IGSF3: variants seen among roughly 807,000 people sequenced by gnomAD.
IGSF3 encodes glu-Trp-Ile EWI motif-containing protein 3.
A neutral mutation model predicts 114.4 loss-of-function variants in IGSF3; 23 were observed. The ratio of observed to expected loss-of-function variants is 0.20; its 90% CI spans 0.14 to 0.28. The LOEUF is 0.28. IGSF3 is among the 10% of genes least tolerant of loss of function. IGSF3 has a pLI of 1.00. For missense variants in IGSF3, 1,172 were observed against 1,591.5 expected (o/e 0.74, Z 4.48); for synonymous variants, 571 against 645.2 (o/e 0.88, Z 1.74).
At chr1:116,623,051 C>T (rs1353633695) in intron 2 of IGSF3, among the ~76,000 whole-genome samples, 1 of 152,214 alleles carries the variant, frequency 6.6e-6, no homozygotes, top group Non-Finnish European at 1.5e-5. Flanking sequence ...AGAAAGCAAT[C>T]GGGAAGGCCA....
rs1659526135 is a variant in IGSF3, at chr1:116,579,848, G to A, written c.2878C>T (p.Pro960Ser). The A allele has an allele frequency of 6.2e-7, 1 of 1,610,410 alleles. No homozygotes were observed. Among genetic ancestry groups the A allele is most frequent in the Admixed American group, 1.7e-5 (1 of 60,006 alleles). Residue 960 changes from proline to serine, a missense_variant, in exon 10 of 11, where the codon CCC becomes TCC. Pro to Ser is a moderately conservative substitution (Grantham distance 74, BLOSUM62 -1). Transcript: ENST00000369486. This position sits in a 1 kb window ranked among gnomAD's most constrained non-coding sequence, Gnocchi z 6.4. ...DASLQVDTVV[P>S]NATVSEKAAF... ...GCCTTCTCAGAGACCGTGGCATTGG[G>A]GACCACTGTGTCCACCTGCAGGGAA...
At chr1:116,646,042 C>T (rs182274774) in intron 2 of IGSF3, among the ~76,000 whole-genome samples, 255 of 152,364 alleles carry the variant, frequency 1.7e-3, no homozygotes, top group African/African-American at 5.5e-3. Flanking sequence ...GCCAGCCTGG[C>T]TGTGGCCTCA....
rs1571139098 is a variant in IGSF3 at position 116,598,829 on chromosome 1, C to G, written c.2029+1112G>C. On this transcript the variant is annotated intron_variant, in intron 7 of 10. Coordinates refer to ENST00000369486, the MANE Select transcript of IGSF3 (RefSeq NM_001007237.3). This position sits in a 1 kb window ranked among gnomAD's most constrained non-coding sequence, Gnocchi z 4.3. Reference sequence around the variant, plus strand: ...CTTCTAACCTGGCAGGAGACAAGGACAGATGCAGGAAAACCATAAGAGCTG... The same window carrying G: ...CTTCTAACCTGGCAGGAGACAAGGAGAGATGCAGGAAAACCATAAGAGCTG... 6.6e-6 allele frequency among the ~76,000 whole-genome samples: 1 copy of G among 152,336 alleles called. No homozygotes were observed.
intron 7 of IGSF3, among the ~76,000 whole-genome samples, chr1:116,597,032 AAAG>A (rs1313146515): frequency 1.3e-5 from 2 of 152,250 alleles, no homozygotes; most frequent in East Asian, 3.8e-4. Flanking sequence ...CTGAATGCTG[AAAG>A]AATAATCTCT....
Position 116,661,667 on chromosome 1 carries a change from C to T in IGSF3, c.43+4617G>A, listed in dbSNP as rs996495881. On this transcript the variant is annotated intron_variant, in intron 2 of 10. Transcript: ENST00000369486. The surrounding 1 kb of genome is among the most constrained non-coding windows in gnomAD (Gnocchi z 4.0). ...GAACCAAATGGTCCTGGCTTCAAAACCCTACTCTGCCACTTTTTAGCTTTG... is the reference window on the plus strand; with the variant it reads ...GAACCAAATGGTCCTGGCTTCAAAATCCTACTCTGCCACTTTTTAGCTTTG... 2.0e-5 allele frequency among the ~76,000 whole-genome samples: 3 copies of T among 152,192 alleles called. No individual in the cohort carries two copies. The highest frequency in any genetic ancestry group is 6.5e-5 in the Admixed American group (1 of 15,286).
chr1:116,620,045 G>T (rs1661365100), intron 2 of IGSF3, among the ~76,000 whole-genome samples: 1 of 152,106 alleles, frequency 6.6e-6, no homozygotes, highest in South Asian at 2.1e-4. Flanking sequence ...AATAATGCAT[G>T]TTTGCTATAT....
chr1:116,587,323 C>T (rs1223281913), intron 8 of IGSF3, among the ~76,000 whole-genome samples: 1 of 151,978 alleles, frequency 6.6e-6, no homozygotes, highest in Non-Finnish European at 1.5e-5. Context: ...AGTAAATTAA[C>T]AGAATGTCAG....
chr1:116,666,310 G>T lies in IGSF3; in HGVS notation c.17C>A (p.Pro6Gln). Residue 6 changes from proline to glutamine, a missense_variant, in exon 2 of 11, where the codon CCG becomes CAG. Around this residue, in one of 3 missense-constraint regions of IGSF3, gnomAD observed 736 missense variants for 1,042.0 expected, o/e 0.71. Coordinates refer to ENST00000369486, the MANE Select transcript of IGSF3 (RefSeq NM_001007237.3). ...CAGCACAGCCAGACAGCTCAGCACC[G>T]GGAAAAAGCACTTCATGTCGGCAGC... MKCFF[P>Q]VLSCLAVLGV... The T allele has an allele frequency of 6.2e-7, 1 of 1,614,096 alleles. No homozygotes were observed. The highest frequency in any genetic ancestry group is 8.5e-7 in the Non-Finnish European group (1 of 1,179,976).
intron 2 of IGSF3, among the ~76,000 whole-genome samples, chr1:116,640,054 A>AG (rs562715960): frequency 7.7e-4 from 113 of 147,540 alleles, no homozygotes; most frequent in Admixed American, 5.1e-3. Context: ...AAAAAAAAAA[A>AG]AAAGAAAGAA....
At chr1:116,639,034 T>C (rs889794582) in intron 2 of IGSF3, among the ~76,000 whole-genome samples, 2 of 152,186 alleles carry the variant, frequency 1.3e-5, no homozygotes, top group African/African-American at 4.8e-5. Flanking sequence ...GGAAGGGTGG[T>C]CAGCCTGGAA....
rs1659394121 is a variant in IGSF3 at position 116,577,424 on chromosome 1, G to T, written c.3473C>A (p.Ser1158Tyr). ...RFKSRNSSKN[S>Y]DGKNGVPLLW... ...CAGAGGCACCCCATTCTTCCCATCA[G>T]AGTTCTTGCTGGAGTTCCGGCTCTT... Residue 1158 changes from serine (S) to tyrosine (Y), a missense_variant, in exon 11 of 11, where the codon TCT becomes TAT. Ser to Tyr is a moderately radical substitution (Grantham distance 144, BLOSUM62 -2). This residue lies in a region of IGSF3 where 423 missense variants were observed against 509.8 expected (regional missense o/e 0.83). Coordinates refer to ENST00000369486, the MANE Select transcript of IGSF3 (RefSeq NM_001007237.3). The surrounding 1 kb of genome is among the most constrained non-coding windows in gnomAD (Gnocchi z 5.7). 1 of 1,614,104 alleles carries T rather than the reference G, an allele frequency of 6.2e-7. No individual in the cohort carries two copies. The highest frequency in any genetic ancestry group is 8.5e-7 in the Non-Finnish European group (1 of 1,180,050).
chr1:116,587,406 A>T (rs1051862732), intron 8 of IGSF3, among the ~76,000 whole-genome samples: 1 of 152,214 alleles, frequency 6.6e-6, no homozygotes, highest in East Asian at 1.9e-4. Flanking sequence ...TTAAGTTAAA[A>T]TGAGCTAGGA....
intron 2 of IGSF3, among the ~76,000 whole-genome samples, chr1:116,621,132 C>G (rs189658951): frequency 1.2e-3 from 176 of 152,176 alleles, no homozygotes; most frequent in African/African-American, 4.0e-3. Flanking sequence ...CACCTCCCCC[C>G]TCTCTCTCTT....
rs1364852704 is a variant in IGSF3 at position 116,650,276 on chromosome 1, GT to G, written c.43+16007del. Reference sequence around the variant, plus strand: ...AGTCTTCAGGGGCTTGGCCCTCAGGGTTTTTCCCATCTCTTCCCGTCTGCTG... The same window carrying G: ...AGTCTTCAGGGGCTTGGCCCTCAGGGTTTTCCCATCTCTTCCCGTCTGCTG... On this transcript the variant is annotated intron_variant, in intron 2 of 10. Transcript: ENST00000369486. The surrounding 1 kb of genome is among the most constrained non-coding windows in gnomAD (Gnocchi z 5.0). Among the ~76,000 whole-genome samples the G allele has an allele frequency of 1.3e-5, 2 of 152,160 alleles. No homozygotes were observed. Among genetic ancestry groups the G allele is most frequent in the African/African-American group, 4.8e-5 (2 of 41,434 alleles).
Position 116,632,057 on chromosome 1 carries a change from A to C in IGSF3, c.44-15600T>G, listed in dbSNP as rs1361119635. Among the ~76,000 whole-genome samples the C allele has an allele frequency of 2.6e-5, 4 of 152,062 alleles. No individual in the cohort carries two copies. Among genetic ancestry groups the C allele is most frequent in the Non-Finnish European group, 5.9e-5 (4 of 68,012 alleles). On this transcript the variant is annotated intron_variant, in intron 2 of 10. Transcript: ENST00000369486. This position sits in a 1 kb window ranked among gnomAD's most constrained non-coding sequence, Gnocchi z 5.1. ...AGAGCCTATTCCTGAAAAGCAAAAG[A>C]CTCCAAACTTGCACAACTCAACCAG...
intron 9 of IGSF3, among the ~76,000 whole-genome samples, chr1:116,580,759 T>C (rs1659569174): frequency 6.6e-6 from 1 of 152,170 alleles, no homozygotes; most frequent in South Asian, 2.1e-4. Flanking sequence ...CAGACTAAGA[T>C]AACTAGTGTC....
Position 116,603,631 on chromosome 1 carries a change from T to A in IGSF3, c.1617A>T (p.Thr539=), listed in dbSNP as rs980664382. 6.2e-7 allele frequency: 1 copy of A among 1,613,238 alleles called. No homozygotes were observed. Among genetic ancestry groups the A allele is most frequent in the African/African-American group, 1.3e-5 (1 of 75,012 alleles). ...GTCCCACCGCTCACTCACCAAGAGC[T>A]GTGATGGAGATGGGAGTGCTGGCCC... is the stretch of plus-strand genomic sequence containing the variant. ...ERRASTPISI[T]ALEMGFAVTA... is the part of the protein sequence containing the mutation. Residue 539 remains threonine, a synonymous_variant, in exon 6 of 11, where the codon ACA becomes ACT. Transcript: ENST00000369486. This position sits in a 1 kb window ranked among gnomAD's most constrained non-coding sequence, Gnocchi z 7.1.
rs576568831 is a variant in IGSF3 at position 116,624,895 on chromosome 1, CCACAAT to C, written c.44-8444_44-8439del. On this transcript the variant is annotated intron_variant, in intron 2 of 10. Transcript: ENST00000369486. The surrounding 1 kb of genome is among the most constrained non-coding windows in gnomAD (Gnocchi z 4.9). Reference sequence around the variant, plus strand: ...AGCTGGCTCCAGCCAGGTCCACCTGCCACAATGTGAGTGAATGAGCCAATCAGCACC... The same window carrying C: ...AGCTGGCTCCAGCCAGGTCCACCTGCGTGAGTGAATGAGCCAATCAGCACC... Among the ~76,000 whole-genome samples the C allele has an allele frequency of 6.6e-6, 1 of 152,202 alleles. No homozygotes were observed. The highest frequency in any genetic ancestry group is 1.5e-5 in the Non-Finnish European group (1 of 68,040).
chr1:116,646,600 A>C (rs1159390596), intron 2 of IGSF3, among the ~76,000 whole-genome samples: 5 of 152,162 alleles, frequency 3.3e-5, no homozygotes, highest in Non-Finnish European at 7.3e-5. Context: ...TGCCAGAGGG[A>C]GAATCGAGTG....
Sources: allele counts gnomAD v4.1 joint callset (sites outside exome capture counted in the v4.1 genomes callset), GRCh38; gene constraint gnomAD v4.1.1; regional missense constraint gnomAD v4.1.1; non-coding constraint Gnocchi (gnomAD v3.1); transcripts MANE v1.5; gene names NCBI Gene and HGNC (gene_info 2026-07-23, HGNC 2026-07-21).